SPRR2B: variants seen among roughly 807,000 people sequenced by gnomAD.
The protein encoded by SPRR2B is small proline-rich protein 2B.
Under a neutral mutation model 1.0 loss-of-function variants are expected in SPRR2B, and 1 was observed. That is an observed-to-expected ratio of 1.01 (90% CI 0.36 to 4.77). The LOEUF (loss-of-function observed/expected upper bound fraction) is 4.77, where lower values mean the gene tolerates loss of function less well. SPRR2B is among the 30% of genes most tolerant of loss of function. The pLI, the probability that SPRR2B is intolerant of heterozygous loss-of-function variation, is 0.16. For synonymous variants in SPRR2B, 27 were observed against 33.4 expected (o/e 0.81, Z 0.66); for missense variants, 53 against 88.7 (o/e 0.60, Z 1.62).
In SPRR2B at chr1:153,070,261, A is replaced by C. The variant is rs550168370; in HGVS notation, c.*360T>G. 2.2e-6 allele frequency: 1 copy of C among 447,924 alleles called. No homozygotes were observed. The highest frequency in any genetic ancestry group is 3.2e-5 in the East Asian group (1 of 30,886). 27.7% of individuals were successfully genotyped at this position (447,924 alleles called of 1,614,324 possible). On this transcript the variant is annotated 3_prime_UTR_variant, in exon 2 of 2. Transcript: ENST00000368755. Reference sequence around the variant, plus strand: ...GATACTTTATTCAGGGAGTGAAAGAAAAGTGACAATTGCACAGGTGGTAGA... The same window carrying C: ...GATACTTTATTCAGGGAGTGAAAGACAAGTGACAATTGCACAGGTGGTAGA...
upstream of SPRR2B, among the ~76,000 whole-genome samples, chr1:153,072,407 AACCAAAGTT>A (rs1448621320): frequency 6.6e-6 from 1 of 152,198 alleles, no homozygotes; most frequent in African/African-American, 2.4e-5. Flanking sequence ...GAGAGAAGGG[AACCAAAGTT>A]ACAAGCATTC....
chr1:153,074,481 A>G (rs1487749395), upstream of SPRR2B, among the ~76,000 whole-genome samples: 1 of 152,238 alleles, frequency 6.6e-6, no homozygotes, highest in Non-Finnish European at 1.5e-5. Flanking sequence ...CTAAGCATCC[A>G]TTGTCCTTCC....
At position 153,070,642 on chromosome 1, in the gene SPRR2B, C is replaced by T. The variant is rs773702269; in HGVS notation, c.198G>A (p.Lys66=). The change falls in exon 2 of 2, where the codon AAG becomes AAA. Residue 66 remains lysine, a synonymous_variant. Coordinates refer to ENST00000368755, the MANE Select transcript of SPRR2B (RefSeq NM_001388198.1). ...PVTPSPPCQP[K]YPPKSK is the part of the protein sequence containing the mutation. ...GCTGTTACTTGCTCTTCGGTGGATA[C>T]TTTGGCTGGCAGGGTGGGGAAGGTG... 21 of 1,612,158 alleles carry T rather than the reference C, an allele frequency of 1.3e-5. No homozygotes were observed. The South Asian group carries it at 2.2e-4, about 17-fold the overall frequency.
At chr1:153,084,095 G>C in the SPRR2B span, among the ~76,000 whole-genome samples, 5 of 152,184 alleles carry the variant, frequency 3.3e-5, no homozygotes, top group Non-Finnish European at 7.4e-5. Context: ...TAGCCTTTGT[G>C]CTGGCAGATC....
the SPRR2B span, among the ~76,000 whole-genome samples, chr1:153,077,985 CA>C: frequency 4.7e-3 from 713 of 151,744 alleles, 5 homozygotes; most frequent in Non-Finnish European, 8.7e-3. Flanking sequence ...CATTTTACTA[CA>C]AAAAAAATCT....
At chr1:153,072,784 A>C (rs1654696082), upstream of SPRR2B, among the ~76,000 whole-genome samples, 1 of 152,160 alleles carries the variant, frequency 6.6e-6, no homozygotes, top group South Asian at 2.1e-4. Context: ...CCATTTTAGT[A>C]CACATTGTTC....
the SPRR2B span, among the ~76,000 whole-genome samples, chr1:153,086,634 C>G: frequency 6.6e-6 from 1 of 152,128 alleles, no homozygotes; most frequent in Non-Finnish European, 1.5e-5. Context: ...GACACATAGT[C>G]ATAAGATTCA....
the SPRR2B span, among the ~76,000 whole-genome samples, chr1:153,078,407 C>A: frequency 6.6e-6 from 1 of 152,138 alleles, no homozygotes; most frequent in Admixed American, 6.5e-5. Flanking sequence ...TACATGTGCA[C>A]AACGTGCAGG....
At chr1:153,076,186 A>C (rs543021932), upstream of SPRR2B, among the ~76,000 whole-genome samples, 11 of 152,186 alleles carry the variant, frequency 7.2e-5, no homozygotes, top group Non-Finnish European at 1.6e-4. Flanking sequence ...TCTGCAGACA[A>C]ATTACCTAAA....
chr1:153,070,678 A>C lies in SPRR2B; in HGVS notation c.162T>G (p.Tyr54Ter). ...AGGGTGGGGAAGGTGTCACAGGAGG[A>C]TATTTCTGCTGGCACTGCTGAGGTG... ...PCPPQQCQQKYPPVTPSPPCQ... is the reference protein window; with the variant it reads ...PCPPQQCQQK Residue 54 changes from tyrosine to a stop codon, truncating the protein, a stop_gained, in exon 2 of 2, where the codon TAT (tyrosine) becomes TAG (stop). Coordinates refer to ENST00000368755, the MANE Select transcript of SPRR2B (RefSeq NM_001388198.1). LOFTEE classifies it high-confidence loss of function. 6.2e-7 allele frequency: 1 copy of C among 1,611,712 alleles called. No homozygotes were observed. Among genetic ancestry groups the C allele is most frequent in the Non-Finnish European group, 8.5e-7 (1 of 1,179,722 alleles).
At chr1:153,072,976 A>G (rs751906245), upstream of SPRR2B, among the ~76,000 whole-genome samples, 11 of 152,220 alleles carry the variant, frequency 7.2e-5, no homozygotes, top group Non-Finnish European at 1.6e-4. Context: ...GGAGAAGAAG[A>G]AGGACAAGGA....
At chr1:153,080,308 G>A in the SPRR2B span, among the ~76,000 whole-genome samples, 4 of 152,036 alleles carry the variant, frequency 2.6e-5, no homozygotes, top group African/African-American at 9.7e-5. Context: ...AAATATATAA[G>A]CCAATTGGAC....
rs900311786 is a variant in SPRR2B, at chr1:153,070,568, G to A, written c.*53C>T. 1.8e-5 allele frequency: 29 copies of A among 1,578,842 alleles called. No homozygotes were observed. The highest frequency in any genetic ancestry group is 9.5e-5 in the South Asian group (8 of 84,086). On this transcript the variant is annotated 3_prime_UTR_variant, in exon 2 of 2. Coordinates refer to ENST00000368755, the MANE Select transcript of SPRR2B (RefSeq NM_001388198.1). ...GAAGATGAAGGTGGAGCTGTGGAACGAGGTGAGCCAATTATCCTTATCCTC... is the reference window on the plus strand; with the variant it reads ...GAAGATGAAGGTGGAGCTGTGGAACAAGGTGAGCCAATTATCCTTATCCTC...
rs551532840 is a variant in SPRR2B, at chr1:153,070,246, T to C, written c.*375A>G. 2 of 445,026 alleles carry C rather than the reference T, an allele frequency of 4.5e-6. No individual in the cohort carries two copies. Among genetic ancestry groups the C allele is most frequent in the East Asian group, 3.3e-5 (1 of 30,706 alleles). 27.6% of individuals were successfully genotyped at this position (445,026 alleles called of 1,614,324 possible). ...AAATATATATGCATAGATACTTTAT[T>C]CAGGGAGTGAAAGAAAAGTGACAAT... On this transcript the variant is annotated 3_prime_UTR_variant, in exon 2 of 2. Coordinates refer to ENST00000368755, the MANE Select transcript of SPRR2B (RefSeq NM_001388198.1).
At chr1:153,075,847 C>A (rs554408387), upstream of SPRR2B, among the ~76,000 whole-genome samples, 2 of 152,246 alleles carry the variant, frequency 1.3e-5, no homozygotes, top group East Asian at 3.9e-4. Flanking sequence ...ATAAGGTAGA[C>A]TGATCTTGAC....
the SPRR2B span, among the ~76,000 whole-genome samples, chr1:153,077,441 T>C: frequency 0.57 from 85,978 of 151,980 alleles, 25,114 homozygotes; most frequent in African/African-American, 0.72. Flanking sequence ...ACATAAAAGC[T>C]GGCATTGTTG....
At chr1:153,080,049 G>A in the SPRR2B span, among the ~76,000 whole-genome samples, 17 of 152,148 alleles carry the variant, frequency 1.1e-4, no homozygotes, top group African/African-American at 4.1e-4. Context: ...ATTGAGAAGT[G>A]GTTTGTAGTT....
chr1:153,086,285 C>A, the SPRR2B span, among the ~76,000 whole-genome samples: 1 of 152,160 alleles, frequency 6.6e-6, no homozygotes, highest in Non-Finnish European at 1.5e-5. Flanking sequence ...AGGGACCAAT[C>A]TCACATACAA....
chr1:153,087,424 A>G, the SPRR2B span, among the ~76,000 whole-genome samples: 1 of 152,224 alleles, frequency 6.6e-6, no homozygotes, highest in East Asian at 1.9e-4. Context: ...AAGGACATTG[A>G]GACACAAAAA....
Sources: gnomAD v4.1 joint callset for allele counts (sites outside exome capture counted in the v4.1 genomes callset) on GRCh38, gnomAD v4.1.1 for gene constraint, MANE v1.5 for transcripts, NCBI Gene and HGNC (gene_info 2026-07-23, HGNC 2026-07-21) for gene names.